The following GALK2 variants were observed in gnomAD, a reference collection of about 807,000 sequenced individuals.
GALK2 encodes the protein galactokinase 2.
A neutral mutation model predicts 52.4 loss-of-function variants in GALK2; 36 were observed. That is an observed-to-expected ratio of 0.69 (90% CI 0.53 to 0.91). The LOEUF is 0.91. Ranked by LOEUF, GALK2 falls within the 40% of genes least tolerant of loss-of-function variation. The pLI is 0.00. For missense variants in GALK2, 579 were observed against 559.1 expected, an observed-to-expected ratio of 1.04 and a Z score of -0.36; for synonymous variants, 176 against 199.1, an observed-to-expected ratio of 0.88 and a Z score of 0.98.
chr15:49,279,808 T>TC (rs2032431550), intron 5 of GALK2, among the ~76,000 whole-genome samples: 1 of 152,218 alleles, frequency 6.6e-6, no homozygotes, highest in Non-Finnish European at 1.5e-5. Context: ...ACATTTTAAA[T>TC]CCAAGTGTTT....
chr15:49,326,981 G>A (rs1026485159), intron 9 of GALK2: 3 of 152,036 alleles, frequency 2.0e-5, no homozygotes, highest in African/African-American at 4.8e-5. Context: ...TAATCATAGA[G>A]CCTTTAATCC....
intron 8 of GALK2, among the ~76,000 whole-genome samples, chr15:49,318,462 G>A (rs2036601790): frequency 6.6e-6 from 1 of 151,934 alleles, no homozygotes; most frequent in Admixed American, 6.6e-5. Flanking sequence ...ATATAGTTTT[G>A]TAGGTTGTTT....
At chr15:49,344,172 GAAT>G (rs772710392) in intron 3 of GALK2, 2 of 151,994 alleles carry the variant, frequency 1.3e-5, no homozygotes, top group East Asian at 1.9e-4. Context: ...ATTGTACAAA[GAAT>G]ATTATAGAAG....
upstream of GALK2, among the ~76,000 whole-genome samples, chr15:49,166,311 G>A (rs567192343): frequency 2.6e-5 from 4 of 152,174 alleles, no homozygotes; most frequent in Admixed American, 2.6e-4. Context: ...AAGCATTTTT[G>A]CACAATTTTT....
At chr15:49,244,620 G>A (rs1212175422) in intron 5 of GALK2, among the ~76,000 whole-genome samples, 1 of 152,138 alleles carries the variant, frequency 6.6e-6, no homozygotes, top group African/African-American at 2.4e-5. Context: ...AAGTCTAGAG[G>A]ATGTAATCCA....
intron 9 of GALK2, 95 bp downstream of exon 9, chr15:49,319,900 AG>A: frequency 9.6e-7 from 1 of 1,044,548 alleles, no homozygotes; most frequent in Non-Finnish European, 1.4e-6. Flanking sequence ...ACGGGAATGA[AG>A]ATCATTCCCC....
At chr15:49,158,171 G>C in intron 1 of GALK2, among the ~76,000 whole-genome samples, 1 of 152,148 alleles carries the variant, frequency 6.6e-6, no homozygotes, top group Admixed American at 6.6e-5. Flanking sequence ...TGAATTGTGG[G>C]TATATTGGGG....
At chr15:49,307,246 A>G (rs996092211) in intron 8 of GALK2, among the ~76,000 whole-genome samples, 2 of 152,156 alleles carry the variant, frequency 1.3e-5, no homozygotes, top group African/African-American at 4.8e-5. Context: ...CGGGGCAGGT[A>G]TCTCAAGTCA....
intron 5 of GALK2, among the ~76,000 whole-genome samples, chr15:49,246,503 T>C (rs2091358317): frequency 6.6e-6 from 1 of 152,126 alleles, no homozygotes. Context: ...TCCCCCATAC[T>C]GAAGTCTAAG....
chr15:49,316,758 G>A, intron 8 of GALK2, among the ~76,000 whole-genome samples: 1 of 152,170 alleles, frequency 6.6e-6, no homozygotes, highest in Non-Finnish European at 1.5e-5. Context: ...AGGAGAGAAA[G>A]TCATGTAGAA....
chr15:49,274,555 C>T (rs917749298), intron 5 of GALK2, among the ~76,000 whole-genome samples: 29 of 152,238 alleles, frequency 1.9e-4, no homozygotes, highest in Middle Eastern at 3.4e-3. Context: ...ATGTAGGCTA[C>T]ACTAAATTTA....
At chr15:49,222,542 CTT>C (rs1026460763) in intron 3 of GALK2, among the ~76,000 whole-genome samples, 6 of 152,058 alleles carry the variant, frequency 3.9e-5, no homozygotes, top group African/African-American at 1.4e-4. Flanking sequence ...TCATATGAGA[CTT>C]TTATTGTGTT....
chr15:49,249,421 G>C (rs2091496289), intron 5 of GALK2, among the ~76,000 whole-genome samples: 1 of 152,124 alleles, frequency 6.6e-6, no homozygotes, highest in Non-Finnish European at 1.5e-5. Flanking sequence ...ATAAGGGTGA[G>C]AATAGTTCTT....
chr15:49,240,844 G>T (rs2091059855), intron 5 of GALK2, among the ~76,000 whole-genome samples: 3 of 30,442 alleles, frequency 9.9e-5, no homozygotes, highest in Non-Finnish European at 4.4e-4. Context: ...CCATTGCAGG[G>T]TTTTAGGAAG....
rs775254786 is a variant in GALK2 at position 49,235,846 on chromosome 15, C to T, written c.267-5C>T. ...TTAAATTAATGGTGTCTTTTGTCTT[C>T]GCAGGGACTTCAGTACTAGTGCTAA... On this transcript the variant is annotated splice_region_variant and splice_polypyrimidine_tract_variant and intron_variant, in intron 3 of 9. Coordinates refer to ENST00000560031, the MANE Select transcript of GALK2 (RefSeq NM_002044.4). 23 of 1,600,830 alleles carry T rather than the reference C, an allele frequency of 1.4e-5. No individual in the cohort carries two copies. Among genetic ancestry groups the T allele is most frequent in the South Asian group, 4.4e-5 (4 of 90,544 alleles).
chr15:49,160,725 C>T (rs1481124010), intron 1 of GALK2, among the ~76,000 whole-genome samples: 2 of 152,090 alleles, frequency 1.3e-5, no homozygotes, highest in African/African-American at 4.8e-5. Flanking sequence ...CAAAAATTAG[C>T]TGGGCGTGGT....
At chr15:49,303,222 G>A (rs922880552) in intron 8 of GALK2, among the ~76,000 whole-genome samples, 2 of 152,140 alleles carry the variant, frequency 1.3e-5, no homozygotes, top group African/African-American at 2.4e-5. Context: ...AGATGTGTGC[G>A]TGATATGTCC....
intron 3 of GALK2, among the ~76,000 whole-genome samples, chr15:49,222,053 ATTTG>A (rs1163990025): frequency 6.6e-6 from 1 of 152,072 alleles, no homozygotes; most frequent in Non-Finnish European, 1.5e-5. Flanking sequence ...ATGTCTTTTC[ATTTG>A]TTTGTGTCCT....
At chr15:49,315,659 C>CT (rs1410450399) in intron 8 of GALK2, among the ~76,000 whole-genome samples, 5 of 152,202 alleles carry the variant, frequency 3.3e-5, no homozygotes, top group Non-Finnish European at 7.3e-5. Flanking sequence ...CCCTTGTTGT[C>CT]TGAGTTACTA....
Sources: allele counts gnomAD v4.1 joint callset (sites outside exome capture counted in the v4.1 genomes callset), GRCh38; gene constraint gnomAD v4.1.1; transcripts MANE v1.5; gene names NCBI Gene and HGNC (gene_info 2026-07-23, HGNC 2026-07-21).